The following TGFBRAP1 variants were observed in gnomAD, a reference collection of about 807,000 sequenced individuals.
The protein encoded by TGFBRAP1 is transforming growth factor-beta receptor-associated protein 1.
A neutral mutation model predicts 83.2 loss-of-function variants in TGFBRAP1; 20 were observed. That is an observed-to-expected ratio of 0.24 (90% confidence interval 0.17 to 0.35). The LOEUF is 0.35. Among genes scored for constraint, TGFBRAP1 ranks in the 10% least tolerant of loss-of-function variants. TGFBRAP1 has a pLI of 1.00. For synonymous variants in TGFBRAP1, 415 were observed against 459.8 expected (o/e 0.90, Z 1.25); for missense variants, 950 against 1,099.4 (o/e 0.86, Z 1.92).
At chr2:105,300,407 A>G (rs1242581866) in intron 2 of TGFBRAP1, among the ~76,000 whole-genome samples, 1 of 151,656 alleles carries the variant, frequency 6.6e-6, no homozygotes, top group Non-Finnish European at 1.5e-5. Flanking sequence ...CTAACACTAC[A>G]ACCAACATAG....
In TGFBRAP1 at chr2:105,272,953, G is replaced by A. The variant is rs548934150; in HGVS notation, c.1874C>T (p.Ala625Val). Residue 625 changes from alanine (A) to valine (V), a missense_variant, in exon 10 of 12, where the codon GCC (alanine) becomes GTC (valine). Transcript: ENST00000393359. ...LYLEEVLLQR[A>V]SASGKGAEAT... ...CTCTGCACCCTTGCCACTGGCGGAG[G>A]CCCTCTGCAGCAGCACCTCTTCCAG... The A allele has an allele frequency of 2.5e-6, 4 of 1,613,262 alleles. No individual in the cohort carries two copies. In the African/African-American group the frequency reaches 4.0e-5, roughly 16 times the overall value.
At chr2:105,322,576 G>A (rs1679099287) in intron 1 of TGFBRAP1, among the ~76,000 whole-genome samples, 2 of 152,068 alleles carry the variant, frequency 1.3e-5, no homozygotes, top group Non-Finnish European at 2.9e-5. Flanking sequence ...GTTTAGATGT[G>A]TTCAGATACA....
At chr2:105,316,462 TGCGCGCGCGC>T (rs764527678) in intron 1 of TGFBRAP1, among the ~76,000 whole-genome samples, 2,362 of 84,676 alleles carry the variant, frequency 0.028, 37 homozygotes, top group Admixed American at 0.052. Context: ...TGTGTGTGTG[TGCGCGCGCGC>T]GCGCGCGCAC....
At chr2:105,323,908 C>T (rs371103586) in intron 1 of TGFBRAP1, among the ~76,000 whole-genome samples, 2 of 152,108 alleles carry the variant, frequency 1.3e-5, no homozygotes, top group Admixed American at 6.5e-5. Flanking sequence ...GAGAGCATCT[C>T]GAATCCCCCA....
intron 4 of TGFBRAP1, among the ~76,000 whole-genome samples, chr2:105,293,424 G>A (rs948474671): frequency 6.6e-6 from 1 of 152,152 alleles, no homozygotes; most frequent in African/African-American, 2.4e-5. Context: ...CAGCCCCACA[G>A]TCAAACTTCT....
chr2:105,270,730 G>A (rs757663216), intron 10 of TGFBRAP1, among the ~76,000 whole-genome samples: 3 of 152,194 alleles, frequency 2.0e-5, no homozygotes, highest in Admixed American at 6.5e-5. Context: ...GCCACAATAC[G>A]CAACGCCTTC....
chr2:105,269,602 G>T lies in TGFBRAP1; in HGVS notation c.2076C>A (p.Asp692Glu). The T allele has an allele frequency of 6.2e-7, 1 of 1,609,188 alleles. No homozygotes were observed. The highest frequency in any genetic ancestry group is 8.5e-7 in the Non-Finnish European group (1 of 1,177,064). ...GGCAGTAGTCCTCGGCCGCTGCAAA[G>T]TCCTGCAGCTCGTGCACCAGGATAT... is the stretch of plus-strand genomic sequence containing the variant. ...ALHILVHELQDFAAAEDYCLW... is the reference protein window; with the variant it reads ...ALHILVHELQEFAAAEDYCLW... The change falls in exon 11 of 12, where the codon GAC (aspartate) becomes GAA (glutamate). Residue 692 changes from aspartate (D) to glutamate (E), a missense_variant. Coordinates refer to ENST00000393359, the MANE Select transcript of TGFBRAP1 (RefSeq NM_004257.6). This position sits in a 1 kb window ranked among gnomAD's most constrained non-coding sequence, Gnocchi z 4.1.
chr2:105,298,786 C>A, intron 2 of TGFBRAP1, 81 bp from the exon 3 acceptor site: 1 of 1,343,686 alleles, frequency 7.4e-7, no homozygotes, highest in South Asian at 1.5e-5. Context: ...GGATGCAGAC[C>A]GACCCCTGCC....
At chr2:105,272,828 G>A (rs777044445) in intron 10 of TGFBRAP1, 27 bp downstream of exon 10, 11 of 1,602,882 alleles carry the variant, frequency 6.9e-6, no homozygotes, top group Non-Finnish European at 8.5e-6. Context: ...TTTTTCCAAA[G>A]GGAGACAATA....
Position 105,275,548 on chromosome 2 carries a change from C to T in TGFBRAP1, c.1665+12G>A, listed in dbSNP as rs755409165. The T allele has an allele frequency of 1.7e-5, 28 of 1,611,670 alleles. No homozygotes were observed. Among genetic ancestry groups the T allele is most frequent in the East Asian group, 8.9e-5 (4 of 44,864 alleles). Reference sequence around the variant, plus strand: ...CCCAACCAAAGAGAATGCATTTTTACGAAGCACAAACCTCTTCACTTTTCT... The same window carrying T: ...CCCAACCAAAGAGAATGCATTTTTATGAAGCACAAACCTCTTCACTTTTCT... On this transcript the variant is annotated intron_variant, in intron 8 of 11. Coordinates refer to ENST00000393359, the MANE Select transcript of TGFBRAP1 (RefSeq NM_004257.6).
intron 1 of TGFBRAP1, among the ~76,000 whole-genome samples, chr2:105,320,014 T>C (rs2104416423): frequency 6.6e-6 from 1 of 152,250 alleles, no homozygotes; most frequent in Non-Finnish European, 1.5e-5. Flanking sequence ...AAAAGAATGC[T>C]ATGACAAACT....
chr2:105,291,424 G>A (rs538050157), intron 4 of TGFBRAP1, among the ~76,000 whole-genome samples: 1 of 152,300 alleles, frequency 6.6e-6, no homozygotes, highest in Non-Finnish European at 1.5e-5. Flanking sequence ...GACTAAGAAA[G>A]TAGAGGTGTA....
chr2:105,307,338 G>A (rs1284377866), intron 2 of TGFBRAP1, among the ~76,000 whole-genome samples: 1 of 152,126 alleles, frequency 6.6e-6, no homozygotes, highest in Admixed American at 6.5e-5. Flanking sequence ...ACTAAGGGCT[G>A]AGAATATCCC....
In TGFBRAP1 at chr2:105,307,681, C is replaced by T; in HGVS notation, c.621G>A (p.Glu207=). Residue 207 remains glutamate, a synonymous_variant, in exon 2 of 12, where the codon GAG becomes GAA. Transcript: ENST00000393359. ...TCCTCTTGACGATCGGCGGCCTCTCCTCACTGCAGTAGGGAAACAGGTCCT... is the reference window on the plus strand; with the variant it reads ...TCCTCTTGACGATCGGCGGCCTCTCTTCACTGCAGTAGGGAAACAGGTCCT... ...VSQDLFPYCS[E]ERPPIVKRIG... The T allele has an allele frequency of 6.2e-7, 1 of 1,614,176 alleles. No individual in the cohort carries two copies. The highest frequency in any genetic ancestry group is 8.5e-7 in the Non-Finnish European group (1 of 1,180,034).
intron 1 of TGFBRAP1, among the ~76,000 whole-genome samples, chr2:105,309,953 A>C (rs1678639461): frequency 6.6e-6 from 1 of 152,124 alleles, no homozygotes; most frequent in African/African-American, 2.4e-5. Flanking sequence ...AGGCAGCTGC[A>C]AGGCACCACC....
At chr2:105,284,233 A>G (rs1677638733) in intron 5 of TGFBRAP1, 83 bp downstream of exon 5, 1 of 1,316,204 alleles carries the variant, frequency 7.6e-7, no homozygotes, top group African/African-American at 1.5e-5. Context: ...AACACATCCC[A>G]CCGCGACGTC....
chr2:105,249,856 C>T, the TGFBRAP1 span: 17 of 152,346 alleles, frequency 1.1e-4, no homozygotes, highest in African/African-American at 3.4e-4. Flanking sequence ...TTAACTATTC[C>T]AGTGGACGGA....
At chr2:105,290,318 C>T in intron 4 of TGFBRAP1, among the ~76,000 whole-genome samples, 1 of 152,182 alleles carries the variant, frequency 6.6e-6, no homozygotes, top group East Asian at 1.9e-4. Flanking sequence ...CCTCCTGTCT[C>T]AGCCTCCCAA....
the TGFBRAP1 span, among the ~76,000 whole-genome samples, chr2:105,254,047 G>A: frequency 6.6e-6 from 1 of 150,872 alleles, no homozygotes; most frequent in African/African-American, 2.4e-5. Context: ...TTCCTATTTT[G>A]GATATTCAAG....
Sources: allele counts gnomAD v4.1 joint callset (sites outside exome capture counted in the v4.1 genomes callset), GRCh38; gene constraint gnomAD v4.1.1; non-coding constraint Gnocchi (gnomAD v3.1); transcripts MANE v1.5; gene names NCBI Gene and HGNC (gene_info 2026-07-23, HGNC 2026-07-21).